PALLD: variants seen among roughly 807,000 people sequenced by gnomAD.
The protein encoded by PALLD is palladin, cytoskeletal associated protein, also known as palladin.
Under a neutral mutation model 123.5 loss-of-function variants are expected in PALLD, and 61 were observed. The observed-to-expected ratio is 0.49, with a 90% CI of 0.40 to 0.61. The LOEUF is 0.61. PALLD is among the 20% of genes least tolerant of loss of function. PALLD has a pLI of 0.00. For missense variants in PALLD, 1,273 were observed against 1,377.0 expected (o/e 0.92, Z 1.20); for synonymous variants, 465 against 496.4 (o/e 0.94, Z 0.84).
chr4:168,517,478 C>T (rs1233413175), intron 2 of PALLD, among the ~76,000 whole-genome samples: 1 of 152,090 alleles, frequency 6.6e-6, no homozygotes, highest in Non-Finnish European at 1.5e-5. Context: ...TACAGCATGT[C>T]CAATGCCTCC....
At chr4:168,549,852 T>C (rs1045963840) in intron 2 of PALLD, among the ~76,000 whole-genome samples, 10 of 152,206 alleles carry the variant, frequency 6.6e-5, no homozygotes, top group African/African-American at 2.2e-4. Flanking sequence ...TTTTAATACC[T>C]TATTTTCTAT....
At chr4:168,629,141 C>G (rs1373362141) in intron 2 of PALLD, among the ~76,000 whole-genome samples, 4 of 151,944 alleles carry the variant, frequency 2.6e-5, no homozygotes, top group Admixed American at 2.6e-4. Context: ...CTCAGCCTCC[C>G]AAGTAGCTGG....
At chr4:168,579,594 G>A (rs1770019127) in intron 2 of PALLD, among the ~76,000 whole-genome samples, 1 of 151,808 alleles carries the variant, frequency 6.6e-6, no homozygotes, top group Admixed American at 6.6e-5. Context: ...AATATTTAAA[G>A]GAAAATTAAC....
chr4:168,689,003 G>A (rs996324862), intron 6 of PALLD, among the ~76,000 whole-genome samples: 1 of 152,020 alleles, frequency 6.6e-6, no homozygotes, highest in Non-Finnish European at 1.5e-5. Flanking sequence ...CAGTCACAAA[G>A]GAAGAAAAAT....
intron 10 of PALLD, among the ~76,000 whole-genome samples, chr4:168,753,872 G>A (rs1731404560): frequency 6.6e-6 from 1 of 152,152 alleles, no homozygotes; most frequent in Non-Finnish European, 1.5e-5. Context: ...AGACCCCCCA[G>A]CTAGACCACT....
At chr4:168,917,048 GGT>G (rs1491264418) in intron 17 of PALLD, among the ~76,000 whole-genome samples, 3 of 143,458 alleles carry the variant, frequency 2.1e-5, no homozygotes, top group African/African-American at 5.1e-5. Flanking sequence ...GTTTTTTTGG[GGT>G]TTTTTTTTTT....
At chr4:168,815,170 C>A (rs182755470) in intron 10 of PALLD, among the ~76,000 whole-genome samples, 1 of 152,348 alleles carries the variant, frequency 6.6e-6, no homozygotes, top group African/African-American at 2.4e-5. Context: ...AGGGCTTTGA[C>A]AGATTTCATT....
chr4:168,837,623 C>A (rs951773754), intron 10 of PALLD, among the ~76,000 whole-genome samples: 7 of 152,150 alleles, frequency 4.6e-5, no homozygotes, highest in Admixed American at 4.6e-4. Flanking sequence ...GTCATTTAAT[C>A]CTCACCACAA....
chr4:168,575,223 A>G lies in PALLD; in HGVS notation c.908+62811A>G, dbSNP rs562684581. On this transcript the variant is annotated intron_variant, in intron 2 of 21. Transcript: ENST00000505667. ...ACCCCACTTGGATTAGTCCGTTTTC[A>G]CACTGCTATAAAGAAATACCTGAGA... Among the ~76,000 whole-genome samples, 51 of 152,258 alleles carry G rather than the reference A, an allele frequency of 3.3e-4. 1 individual carries two copies. The highest frequency in any genetic ancestry group is 5.9e-4 in the Non-Finnish European group (40 of 67,990).
intron 10 of PALLD, among the ~76,000 whole-genome samples, chr4:168,861,668 A>AT (rs1033326227): frequency 1.4e-4 from 21 of 150,946 alleles, no homozygotes; most frequent in South Asian, 2.1e-4. Context: ...ATTTTTTTTA[A>AT]TTTTTTTTTA....
intron 15 of PALLD, among the ~76,000 whole-genome samples, chr4:168,913,020 GA>G (rs1237503126): frequency 6.6e-6 from 1 of 152,006 alleles, no homozygotes; most frequent in Non-Finnish European, 1.5e-5. Context: ...CATTTCATGA[GA>G]ACATGGCTTC....
chr4:168,595,945 GAA>G (rs530008801), intron 2 of PALLD, among the ~76,000 whole-genome samples: 98 of 114,420 alleles, frequency 8.6e-4, no homozygotes, highest in African/African-American at 2.4e-3. Flanking sequence ...AATTGAAAAG[GAA>G]AAAAAAAAAA....
At chr4:168,621,308 C>T (rs1027722524) in intron 2 of PALLD, among the ~76,000 whole-genome samples, 21 of 152,228 alleles carry the variant, frequency 1.4e-4, no homozygotes, top group African/African-American at 4.8e-4. Flanking sequence ...ACTACTAAAA[C>T]TTTTCCAGAT....
intron 15 of PALLD, among the ~76,000 whole-genome samples, chr4:168,912,757 T>A (rs895766045): frequency 2.6e-5 from 4 of 152,198 alleles, no homozygotes; most frequent in Non-Finnish European, 5.9e-5. Flanking sequence ...TCCAGCTATA[T>A]GAAAATACAC....
rs771493669 is a variant in PALLD at position 168,593,436 on chromosome 4, C to CAAAAAAAAAAAGAAAA, written c.909-74744_909-74743insAGAAAAAAAAAAAAAA. ...AGTAAAGACACTACCAGTCACCAGGCAAAAAAAAAAGAAAAAAAGGAAGAC... is the reference window on the plus strand; with the variant it reads ...AGTAAAGACACTACCAGTCACCAGGCAAAAAAAAAAAGAAAAAAAAAAAAAAGAAAAAAAGGAAGAC... On this transcript the variant is annotated intron_variant, in intron 2 of 21. Transcript: ENST00000505667. 5.2e-3 allele frequency among the ~76,000 whole-genome samples: 535 copies of CAAAAAAAAAAAGAAAA among 103,306 alleles called. 3 individuals carry two copies. The highest frequency in any genetic ancestry group is 0.019 in the African/African-American group (496 of 25,996). The allele number at this position is 103,306 out of a possible 152,430, so 67.8% of individuals were successfully genotyped here. A position where few individuals can be genotyped will look rare whatever the true frequency, so the allele number is the denominator to read the frequency against.
At chr4:168,575,053 C>T (rs999527996) in intron 2 of PALLD, among the ~76,000 whole-genome samples, 2 of 152,130 alleles carry the variant, frequency 1.3e-5, no homozygotes, top group African/African-American at 4.8e-5. Context: ...GCTTCTTAAT[C>T]ACCATGACTG....
intron 10 of PALLD, among the ~76,000 whole-genome samples, chr4:168,761,658 T>TTTTTTTTTTTTTTTTTTTTTG (rs1732924246): frequency 2.3e-5 from 1 of 43,072 alleles, no homozygotes; most frequent in Non-Finnish European, 5.3e-5. Flanking sequence ...TTTTTTTTTT[T>TTTTTTTTTTTTTTTTTTTTTG]TTTTTTTTTT....
chr4:168,622,821 A>T (rs989403730), intron 2 of PALLD, among the ~76,000 whole-genome samples: 3 of 152,234 alleles, frequency 2.0e-5, no homozygotes, highest in African/African-American at 7.2e-5. Context: ...ATTCCAGAGG[A>T]AGGGGACACT....
intron 2 of PALLD, among the ~76,000 whole-genome samples, chr4:168,616,039 A>G (rs1368029219): frequency 1.3e-5 from 2 of 151,642 alleles, no homozygotes; most frequent in Non-Finnish European, 2.9e-5. Context: ...TTGTGACAGT[A>G]TTTTTTGCCT....
Sources: gnomAD v4.1 joint callset for allele counts (sites outside exome capture counted in the v4.1 genomes callset) on GRCh38, gnomAD v4.1.1 for gene constraint, MANE v1.5 for transcripts, NCBI Gene and HGNC (gene_info 2026-07-23, HGNC 2026-07-21) for gene names.